RNF214: variants seen among roughly 807,000 people sequenced by gnomAD.
The protein encoded by RNF214 is ring finger protein 214.
Under a neutral mutation model 75.9 loss-of-function variants are expected in RNF214, and 25 were observed. The observed-to-expected ratio is 0.33, with a 90% CI of 0.24 to 0.46. RNF214 has a LOEUF of 0.46. Among genes scored for constraint, RNF214 ranks in the 20% least tolerant of loss-of-function variants. The pLI is 1.00. For synonymous variants in RNF214, 314 were observed against 308.8 expected (o/e 1.02, Z -0.18); for missense variants, 725 against 857.5 (o/e 0.85, Z 1.93).
chr11:117,241,036 C>A (rs768034283), intron 4 of RNF214, among the ~76,000 whole-genome samples: 1 of 151,662 alleles, frequency 6.6e-6, no homozygotes, highest in Non-Finnish European at 1.5e-5. Flanking sequence ...AAAAATTAGC[C>A]AGGTGTGGTG....
intron 6 of RNF214, among the ~76,000 whole-genome samples, chr11:117,256,033 G>A (rs1453929882): frequency 6.6e-6 from 1 of 151,996 alleles, no homozygotes; most frequent in Non-Finnish European, 1.5e-5. Flanking sequence ...ACACAACCGT[G>A]CTGGTTTATA....
chr11:117,254,381 A>C (rs1157680693), intron 6 of RNF214, among the ~76,000 whole-genome samples: 1 of 152,078 alleles, frequency 6.6e-6, no homozygotes. Flanking sequence ...TCTTATTCCC[A>C]ATAAATTTAC....
chr11:117,279,731 G>A (rs1455682663), intron 6 of RNF214, among the ~76,000 whole-genome samples, 177 bp from the exon 7 acceptor site: 1 of 152,168 alleles, frequency 6.6e-6, no homozygotes, highest in Admixed American at 6.5e-5. Flanking sequence ...TTATACTCCA[G>A]CTCTCTTTTG....
chr11:117,259,430 A>G (rs908613538), intron 6 of RNF214, among the ~76,000 whole-genome samples: 2 of 152,220 alleles, frequency 1.3e-5, no homozygotes, highest in African/African-American at 4.8e-5. Flanking sequence ...TCTTAGGTAG[A>G]TTCCTAGCAT....
chr11:117,253,408 G>A (rs2033447163), intron 6 of RNF214, among the ~76,000 whole-genome samples: 1 of 152,146 alleles, frequency 6.6e-6, no homozygotes, highest in Non-Finnish European at 1.5e-5. Context: ...GCTTTGTCCT[G>A]GAAATTGTCT....
intron 6 of RNF214, among the ~76,000 whole-genome samples, chr11:117,272,463 G>A (rs2033932450): frequency 6.6e-6 from 1 of 152,134 alleles, no homozygotes; most frequent in Non-Finnish European, 1.5e-5. Flanking sequence ...AGGAGGGAGA[G>A]CATTAGGACA....
chr11:117,248,805 A>C (rs974989362), intron 6 of RNF214, among the ~76,000 whole-genome samples: 4 of 152,248 alleles, frequency 2.6e-5, no homozygotes, highest in African/African-American at 9.6e-5. Context: ...AATCTGTGTG[A>C]GGAAGATGAC....
chr11:117,236,050 TC>T (rs1565326720), intron 2 of RNF214, among the ~76,000 whole-genome samples: 1 of 151,912 alleles, frequency 6.6e-6, no homozygotes, highest in Non-Finnish European at 1.5e-5. Flanking sequence ...GACCTCTGCC[TC>T]CCGGGTTCAA....
chr11:117,240,268 A>T (rs918499504), intron 4 of RNF214, among the ~76,000 whole-genome samples: 1 of 151,018 alleles, frequency 6.6e-6, no homozygotes. Flanking sequence ...TACTCAGGAG[A>T]CAGGTGGGAG....
chr11:117,246,603 GA>G (rs925587079), intron 5 of RNF214, among the ~76,000 whole-genome samples: 4 of 152,146 alleles, frequency 2.6e-5, no homozygotes, highest in Non-Finnish European at 5.9e-5. Context: ...TTTTCCTGTT[GA>G]GTTGAAATCT....
intron 3 of RNF214, 46 bp downstream of exon 3, chr11:117,239,157 G>A (rs750756105): frequency 2.0e-4 from 314 of 1,532,606 alleles, no homozygotes; most frequent in Non-Finnish European, 2.7e-4. Context: ...GGGGGGTGGT[G>A]GGGTTCAGGG....
At position 117,268,834 on chromosome 11, in the gene RNF214, T is replaced by C. The variant is rs367820232; in HGVS notation, c.960-11074T>C. On this transcript the variant is annotated intron_variant, in intron 6 of 14. Coordinates refer to ENST00000300650, the MANE Select transcript of RNF214 (RefSeq NM_207343.4). ...GATTCATGAACATGGAAGAGCGCTC[T>C]TTTTCTTCTTGGCAATGATTCATAA... Among the ~76,000 whole-genome samples, 11 of 152,310 alleles carry C rather than the reference T, an allele frequency of 7.2e-5. No individual in the cohort carries two copies. In the South Asian group the frequency reaches 2.3e-3, roughly 32 times the overall value.
intron 6 of RNF214, among the ~76,000 whole-genome samples, chr11:117,260,321 A>G (rs566048515): frequency 1.3e-5 from 2 of 152,342 alleles, no homozygotes; most frequent in South Asian, 4.1e-4. Context: ...GGTGAGAAGT[A>G]AAGGTTGAGG....
At chr11:117,276,483 C>T (rs992530105) in intron 6 of RNF214, among the ~76,000 whole-genome samples, 1 of 152,084 alleles carries the variant, frequency 6.6e-6, no homozygotes, top group African/African-American at 2.4e-5. Context: ...ATGATACATG[C>T]TTATAGTCCT....
chr11:117,255,174 C>G (rs2033489369), intron 6 of RNF214, among the ~76,000 whole-genome samples: 1 of 152,214 alleles, frequency 6.6e-6, no homozygotes, highest in African/African-American at 2.4e-5. Context: ...TTACCCTTAG[C>G]AGATGATCTT....
chr11:117,262,741 TTTAAAATTTAG>T (rs1202757442), intron 6 of RNF214, among the ~76,000 whole-genome samples: 3 of 131,864 alleles, frequency 2.3e-5, no homozygotes, highest in Non-Finnish European at 4.8e-5. Flanking sequence ...GTGTTTAATT[TTTAAAATTTAG>T]TTATATCAGT....
At chr11:117,249,714 G>T (rs1313721469) in intron 6 of RNF214, among the ~76,000 whole-genome samples, 2 of 152,176 alleles carry the variant, frequency 1.3e-5, no homozygotes, top group African/African-American at 4.8e-5. Context: ...ATCTTTTCCT[G>T]GTTTGCCGAC....
At chr11:117,239,728 T>A (rs2033019446) in intron 3 of RNF214, 73 bp from the exon 4 acceptor site, 2 of 814,032 alleles carry the variant, frequency 2.5e-6, no homozygotes, top group Non-Finnish European at 4.3e-6. Context: ...GTGGCGGAAT[T>A]CTAGGTGTTA....
intron 6 of RNF214, among the ~76,000 whole-genome samples, chr11:117,253,767 G>A (rs1350568801): frequency 1.3e-5 from 2 of 152,190 alleles, no homozygotes; most frequent in Non-Finnish European, 2.9e-5. Flanking sequence ...TGGTGACCCT[G>A]TGTTTTAAAA....
Sources: allele counts gnomAD v4.1 joint callset (sites outside exome capture counted in the v4.1 genomes callset), GRCh38; gene constraint gnomAD v4.1.1; transcripts MANE v1.5; gene names NCBI Gene and HGNC (gene_info 2026-07-23, HGNC 2026-07-21).